Variants in RMDN2 observed in about 807,000 individuals in gnomAD.
The protein encoded by RMDN2 is regulator of microtubule dynamics protein 2.
Under a neutral mutation model 52.8 loss-of-function variants are expected in RMDN2, and 61 were observed. The observed-to-expected ratio is 1.16, with a 90% CI of 0.94 to 1.43. The LOEUF (loss-of-function observed/expected upper bound fraction) is 1.43. Ranked by LOEUF, RMDN2 falls within the 40% of genes most tolerant of loss-of-function variation. The pLI is 0.00. For synonymous variants in RMDN2, 180 were observed against 153.1 expected, an observed-to-expected ratio of 1.18 and a Z score of -1.30; for missense variants, 592 against 475.3, an observed-to-expected ratio of 1.25 and a Z score of -2.28.
At chr2:37,974,265 C>A in intron 3 of RMDN2, 51 bp downstream of exon 3, 1 of 1,188,938 alleles carries the variant, frequency 8.4e-7, no homozygotes, top group Non-Finnish European at 1.2e-6. Flanking sequence ...TTAATTTAAT[C>A]TGCCATCTGT....
chr2:38,016,096 C>A (rs17412105), intron 10 of RMDN2, among the ~76,000 whole-genome samples: 26,140 of 152,208 alleles, frequency 0.17, 2,355 homozygotes, highest in African/African-American at 0.19. Context: ...CAAAGGAGAA[C>A]ACTTCTGTAC....
At chr2:37,930,169 T>A (rs920068751) in intron 2 of RMDN2, among the ~76,000 whole-genome samples, 1 of 152,250 alleles carries the variant, frequency 6.6e-6, no homozygotes, top group African/African-American at 2.4e-5. Flanking sequence ...ATGTGGCTAA[T>A]GCAACTGAGG....
At chr2:37,991,663 A>G (rs1572974424) in intron 7 of RMDN2, among the ~76,000 whole-genome samples, 1 of 152,150 alleles carries the variant, frequency 6.6e-6, no homozygotes, top group Admixed American at 6.5e-5. Flanking sequence ...GGGATCAACA[A>G]TCCACACACA....
At chr2:37,968,009 C>G (rs1047057833) in intron 2 of RMDN2, among the ~76,000 whole-genome samples, 2 of 152,248 alleles carry the variant, frequency 1.3e-5, no homozygotes, top group African/African-American at 2.4e-5. Flanking sequence ...TCTTTTAATT[C>G]CTTTTTTCCG....
intron 2 of RMDN2, among the ~76,000 whole-genome samples, chr2:37,964,609 A>G (rs559926814): frequency 6.6e-6 from 1 of 152,224 alleles, no homozygotes; most frequent in South Asian, 2.1e-4. Context: ...TATATTATCT[A>G]CTTGGAGAAT....
intron 2 of RMDN2, among the ~76,000 whole-genome samples, chr2:37,959,855 G>C (rs1016200274): frequency 3.3e-5 from 5 of 150,862 alleles, no homozygotes; most frequent in Non-Finnish European, 5.9e-5. Flanking sequence ...TTGTATCTTA[G>C]TTCTCATTGG....
chr2:37,921,047 CTTAA>C (rs1424093718), upstream of RMDN2, among the ~76,000 whole-genome samples: 1 of 152,180 alleles, frequency 6.6e-6, no homozygotes, highest in African/African-American at 2.4e-5. Context: ...AATTCTATAT[CTTAA>C]TTAGGTATGT....
chr2:37,969,756 A>G (rs1671547068), intron 2 of RMDN2, among the ~76,000 whole-genome samples: 1 of 151,530 alleles, frequency 6.6e-6, no homozygotes, highest in South Asian at 2.1e-4. Flanking sequence ...TTTTGAAGAG[A>G]CTGCTTCTAA....
intron 10 of RMDN2, among the ~76,000 whole-genome samples, chr2:38,046,940 G>A (rs545257708): frequency 4.6e-5 from 7 of 151,964 alleles, no homozygotes; most frequent in South Asian, 2.1e-4. Flanking sequence ...CCGAGATTGC[G>A]CCACTGCACT....
chr2:38,025,965 A>T (rs1034331963), intron 10 of RMDN2, among the ~76,000 whole-genome samples: 1 of 152,070 alleles, frequency 6.6e-6, no homozygotes, highest in Non-Finnish European at 1.5e-5. Context: ...GCTTCAGAGA[A>T]TGAGTTGAAA....
At chr2:37,925,531 C>G (rs1462367797) in intron 1 of RMDN2, 106 bp downstream of exon 1, 1 of 152,430 alleles carries the variant, frequency 6.6e-6, no homozygotes, top group African/African-American at 2.4e-5. Context: ...GACTGCACTT[C>G]CGGGTCGGTG....
intron 10 of RMDN2, among the ~76,000 whole-genome samples, chr2:38,005,667 T>A (rs1404362502): frequency 1.3e-5 from 2 of 152,170 alleles, no homozygotes; most frequent in African/African-American, 2.4e-5. Flanking sequence ...GTTCACTCTG[T>A]TGGTAGGTTC....
Position 37,959,424 on chromosome 2 carries a change from T to C in RMDN2, c.453-14616T>C, listed in dbSNP as rs528998407. Among the ~76,000 whole-genome samples, 3 of 151,292 alleles carry C rather than the reference T, an allele frequency of 2.0e-5. No individual in the cohort carries two copies. The South Asian group carries it at 6.2e-4, about 31-fold the overall frequency. The stretch of plus-strand genomic sequence containing the variant: ...GAATTTATCCATTTCTTGTAGATTT[T>C]CTAGTTTATTTGCATAGAGGTGTTT... On this transcript the variant is annotated intron_variant, in intron 2 of 10. Coordinates refer to ENST00000354545, the MANE Select transcript of RMDN2 (RefSeq NM_001170791.3).
At chr2:37,966,947 C>G (rs985166627) in intron 2 of RMDN2, among the ~76,000 whole-genome samples, 3 of 151,884 alleles carry the variant, frequency 2.0e-5, no homozygotes, top group East Asian at 1.9e-4. Context: ...AAAATTGAAG[C>G]AAGAACAAAC....
intron 10 of RMDN2, among the ~76,000 whole-genome samples, chr2:38,033,700 A>G (rs185778367): frequency 2.5e-4 from 38 of 152,352 alleles, no homozygotes; most frequent in African/African-American, 8.2e-4. Flanking sequence ...TGAATTTGCA[A>G]TATTCACTAT....
At chr2:38,019,140 A>T (rs1006754270), downstream of RMDN2, among the ~76,000 whole-genome samples, 2 of 152,346 alleles carry the variant, frequency 1.3e-5, no homozygotes, top group Middle Eastern at 3.4e-3. Context: ...GCTATCTCTA[A>T]ACAGCTAAAG....
chr2:37,934,407 G>T (rs1414627362), intron 2 of RMDN2, among the ~76,000 whole-genome samples: 3 of 152,162 alleles, frequency 2.0e-5, no homozygotes, highest in Non-Finnish European at 4.4e-5. Context: ...GATGAACAAT[G>T]CTCAAATTCT....
Position 38,004,004 on chromosome 2 carries a change from G to T in RMDN2, c.1058G>T (p.Cys353Phe). The change falls in exon 9 of 11, where the codon TGC becomes TTC. Residue 353 changes from cysteine (C) to phenylalanine (F), a missense_variant. Coordinates refer to ENST00000354545, the MANE Select transcript of RMDN2 (RefSeq NM_001170791.3). ...LHNFLKAEEL[C>F]PGYSNPNYMY... The stretch of plus-strand genomic sequence containing the variant: ...CTCTCAAATCAGGCTGAAGAACTAT[G>T]CCCTGGTTATTCTAATCCCAATTAC... 1.2e-6 allele frequency: 2 copies of T among 1,612,714 alleles called. No homozygotes were observed. The highest frequency in any genetic ancestry group is 1.7e-6 in the Non-Finnish European group (2 of 1,178,948).
At chr2:37,951,829 C>G in intron 2 of RMDN2, 1 of 1,613,644 alleles carries the variant, frequency 6.2e-7, no homozygotes, top group Non-Finnish European at 8.5e-7. Flanking sequence ...ACTATTGATA[C>G]AGCCTCCTAT....
Sources: gnomAD v4.1 joint callset for allele counts (sites outside exome capture counted in the v4.1 genomes callset) on GRCh38, gnomAD v4.1.1 for gene constraint, MANE v1.5 for transcripts, NCBI Gene and HGNC (gene_info 2026-07-23, HGNC 2026-07-21) for gene names.